DST: variants seen among roughly 807,000 people sequenced by gnomAD.
DST encodes the protein bullous pemphigoid antigen.
Under a neutral mutation model 875.2 loss-of-function variants are expected in DST, and 253 were observed. That is an observed-to-expected ratio of 0.29 (90% CI 0.26 to 0.32). The LOEUF is 0.32. DST is among the 10% of genes least tolerant of loss of function. DST has a pLI of 1.00. For missense variants in DST, 8,287 were observed against 9,111.6 expected, an observed-to-expected ratio of 0.91 and a Z score of 3.68; for synonymous variants, 3,124 against 3,197.1, an observed-to-expected ratio of 0.98 and a Z score of 0.77.
intron 82 of DST, among the ~76,000 whole-genome samples, chr6:56,496,908 G>A (rs1008644836): frequency 1.3e-4 from 20 of 151,884 alleles, no homozygotes; most frequent in East Asian, 1.9e-4. Flanking sequence ...GTAAACTATC[G>A]CAAGAACAAA....
chr6:56,941,767 C>T (rs539363576), intron 2 of DST, among the ~76,000 whole-genome samples: 5 of 152,274 alleles, frequency 3.3e-5, no homozygotes, highest in African/African-American at 1.2e-4. Flanking sequence ...AGGCATGAGC[C>T]ACCGTGCCTG....
chr6:56,551,237 C>A (rs1291439531), intron 61 of DST, among the ~76,000 whole-genome samples: 1 of 152,216 alleles, frequency 6.6e-6, no homozygotes. Context: ...CCATTTGATT[C>A]ATATTCATCT....
chr6:56,516,472 G>A (rs573236859), intron 71 of DST, among the ~76,000 whole-genome samples: 8 of 152,152 alleles, frequency 5.3e-5, no homozygotes, highest in East Asian at 3.9e-4. Context: ...ATAAAAGAGT[G>A]CATATCATTA....
chr6:56,513,287 G>A (rs954292087), intron 72 of DST, among the ~76,000 whole-genome samples: 2 of 149,822 alleles, frequency 1.3e-5, no homozygotes, highest in African/African-American at 2.5e-5. Context: ...CTGGAGTGCC[G>A]TGGCACGATC....
intron 2 of DST, among the ~76,000 whole-genome samples, chr6:56,914,571 TCA>T (rs1800062882): frequency 6.6e-6 from 1 of 152,194 alleles, no homozygotes; most frequent in South Asian, 2.1e-4. Context: ...CCTGCTTCCC[TCA>T]CTATTTTAGG....
intron 5 of DST, among the ~76,000 whole-genome samples, chr6:56,721,828 T>C (rs950171148): frequency 3.3e-5 from 5 of 152,194 alleles, no homozygotes; most frequent in African/African-American, 1.2e-4. Flanking sequence ...GTCTTCACCA[T>C]TCAAGTGAAT....
At position 56,620,624 on chromosome 6, in the gene DST, G is replaced by T. The variant is rs767671723; in HGVS notation, c.4929+3906C>A. 7 of 1,613,858 alleles carry T rather than the reference G, an allele frequency of 4.3e-6. No individual in the cohort carries two copies. The South Asian group carries it at 6.6e-5, about 15-fold the overall frequency. On this transcript the variant is annotated intron_variant, in intron 36 of 103. Transcript: ENST00000680361. Reference sequence around the variant, plus strand: ...TCTTTCCAACTCACTTATCTTTCCTGTAAGTTTGCTATTCTCAAGCACTGT... The same window carrying T: ...TCTTTCCAACTCACTTATCTTTCCTTTAAGTTTGCTATTCTCAAGCACTGT...
rs1447533869 is a variant in DST, at chr6:56,631,359, C to G, written c.3994G>C (p.Asp1332His). Residue 1332 changes from aspartate (D) to histidine (H), a missense_variant, in exon 30 of 104, where the codon GAT (aspartate) becomes CAT (histidine). Asp to His is a moderately conservative substitution (Grantham distance 81). Around this residue, in one of 10 missense-constraint regions of DST, gnomAD observed 3,138 missense variants for 3,116.6 expected, o/e 1.01. Transcript: ENST00000680361. ...KLKKELERLK[D>H]DLGTITNKCE... ...TTATTTGTGATTGTTCCCAAATCAT[C>G]TTTAAGTCGTTCCAGCTCTTTCTTT... 1 of 1,613,908 alleles carries G rather than the reference C, an allele frequency of 6.2e-7. No individual in the cohort carries two copies. Among genetic ancestry groups the G allele is most frequent in the Admixed American group, 1.7e-5 (1 of 60,010 alleles).
intron 9 of DST, among the ~76,000 whole-genome samples, chr6:56,698,434 T>A (rs1433462894): frequency 6.6e-6 from 1 of 152,034 alleles, no homozygotes; most frequent in Admixed American, 6.6e-5. Context: ...CAAGCGATTC[T>A]CCCACCTCAG....
intron 2 of DST, among the ~76,000 whole-genome samples, chr6:56,924,896 C>T (rs1171524349): frequency 6.6e-6 from 1 of 152,170 alleles, no homozygotes; most frequent in Non-Finnish European, 1.5e-5. Context: ...AGTAACTTCT[C>T]ATTCACAGTA....
chr6:56,818,884 T>C (rs190838535), intron 4 of DST, among the ~76,000 whole-genome samples: 1 of 152,286 alleles, frequency 6.6e-6, no homozygotes, highest in African/African-American at 2.4e-5. Flanking sequence ...TTTTTCCGAA[T>C]TGCTGAATAA....
chr6:56,770,344 T>C (rs544513061), intron 4 of DST, among the ~76,000 whole-genome samples: 3 of 152,222 alleles, frequency 2.0e-5, no homozygotes, highest in Non-Finnish European at 2.9e-5. Context: ...TAAAGTATGA[T>C]ATAATTTTTG....
At chr6:56,657,156 G>A (rs1035432013) in intron 10 of DST, among the ~76,000 whole-genome samples, 6 of 151,748 alleles carry the variant, frequency 4.0e-5, no homozygotes, top group African/African-American at 1.5e-4. Flanking sequence ...ATTTTGTATT[G>A]GGGAAAAAAC....
chr6:56,678,725 C>T (rs1016479359), intron 9 of DST, among the ~76,000 whole-genome samples: 29 of 152,256 alleles, frequency 1.9e-4, no homozygotes, highest in African/African-American at 5.5e-4. Context: ...CAAAAGGTAT[C>T]CTGTCCCCCT....
intron 15 of DST, chr6:56,643,090 T>G (rs925493254): frequency 2.4e-6 from 1 of 416,286 alleles, no homozygotes; most frequent in African/African-American, 2.0e-5. Flanking sequence ...GGAAAGGATA[T>G]GCCAAATATT....
intron 69 of DST, among the ~76,000 whole-genome samples, chr6:56,522,859 G>C (rs4715627): frequency 6.6e-5 from 10 of 151,830 alleles, no homozygotes; most frequent in African/African-American, 2.4e-4. Flanking sequence ...GAATTGCTCT[G>C]AGGCTTAAAG....
chr6:56,781,775 G>A (rs2099694550), intron 4 of DST, among the ~76,000 whole-genome samples: 1 of 152,132 alleles, frequency 6.6e-6, no homozygotes, highest in Non-Finnish European at 1.5e-5. Context: ...TAGGAGTGGT[G>A]AGAGAGGGCA....
chr6:56,568,382 G>A, intron 55 of DST, 87 bp downstream of exon 55: 1 of 1,368,934 alleles, frequency 7.3e-7, no homozygotes, highest in Non-Finnish European at 1.0e-6. Flanking sequence ...GTTATTTTAT[G>A]CATTAATTTA....
intron 4 of DST, among the ~76,000 whole-genome samples, chr6:56,811,067 C>T (rs995176681): frequency 2.0e-5 from 3 of 151,354 alleles, no homozygotes; most frequent in African/African-American, 7.3e-5. Flanking sequence ...ACCTGTAGTC[C>T]CAGCTACTTG....
Sources: allele counts gnomAD v4.1 joint callset (sites outside exome capture counted in the v4.1 genomes callset), GRCh38; gene constraint gnomAD v4.1.1; regional missense constraint gnomAD v4.1.1; transcripts MANE v1.5; gene names NCBI Gene and HGNC (gene_info 2026-07-23, HGNC 2026-07-21).